The following KIF14 variants were observed in gnomAD, a reference collection of about 807,000 sequenced individuals.
The protein encoded by KIF14 is kinesin family member 14, also known as kinesin-like protein KIF14.
KIF14 carries 98 observed loss-of-function variants against 176.2 expected under a neutral mutation model. That is an observed-to-expected ratio of 0.56 (90% CI 0.47 to 0.66). The LOEUF is 0.66. Ranked by LOEUF, KIF14 falls within the 30% of genes least tolerant of loss-of-function variation. The probability of loss-of-function intolerance (pLI) is 0.00; values close to 1 mark genes in which losing one functional copy is unlikely to be tolerated. For synonymous variants in KIF14, 566 were observed against 632.2 expected, an observed-to-expected ratio of 0.90 and a Z score of 1.57; for missense variants, 1,751 against 1,920.4, an observed-to-expected ratio of 0.91 and a Z score of 1.65.
At chr1:200,571,192 G>T (rs1218596260) in intron 22 of KIF14, among the ~76,000 whole-genome samples, 1 of 152,022 alleles carries the variant, frequency 6.6e-6, no homozygotes, top group Non-Finnish European at 1.5e-5. Context: ...GCAGCTGTCT[G>T]TAGTCCCAGC....
chr1:200,617,632 G>A lies in KIF14; in HGVS notation c.1092C>T (p.Arg364=), dbSNP rs549394272. 28 of 1,610,994 alleles carry A rather than the reference G, an allele frequency of 1.7e-5. No homozygotes were observed. The highest frequency in any genetic ancestry group is 1.6e-4 in the African/African-American group (12 of 74,730). Reference sequence around the variant, plus strand: ...CATACCTCTTGGTGAAAGGTCTTACGCGTACTGCCACTGTCACTTGACTAT... The same window carrying A: ...CATACCTCTTGGTGAAAGGTCTTACACGTACTGCCACTGTCACTTGACTAT... ...VENSQVTVAV[R]VRPFTKREKI... Residue 364 remains arginine, a synonymous_variant, in exon 2 of 30, where the codon CGC becomes CGT. Coordinates refer to ENST00000367350, the MANE Select transcript of KIF14 (RefSeq NM_014875.3).
intron 5 of KIF14, among the ~76,000 whole-genome samples, chr1:200,607,357 G>A (rs182981762): frequency 4.9e-4 from 74 of 151,866 alleles, no homozygotes; most frequent in African/African-American, 1.7e-3. Flanking sequence ...TAGGCTGGTC[G>A]GGAACTCCTG....
intron 16 of KIF14, among the ~76,000 whole-genome samples, chr1:200,590,628 C>G (rs1659004770): frequency 6.6e-6 from 1 of 152,082 alleles, no homozygotes; most frequent in South Asian, 2.1e-4. Flanking sequence ...GATATCACAG[C>G]TAGGGAGAGA....
In KIF14 at chr1:200,618,571, A is replaced by G; in HGVS notation, c.153T>C (p.Asp51=). 1 of 1,614,130 alleles carries G rather than the reference A, an allele frequency of 6.2e-7. No homozygotes were observed. The highest frequency in any genetic ancestry group is 8.5e-7 in the Non-Finnish European group (1 of 1,179,994). ...CTTTACCTGCAGATCTCAATAATGG[A>G]TCATCATTTTCACATTCTGACATAT... The part of the protein sequence containing the change: ...KSDMSECEND[D]PLLRSAGKVR... The change falls in exon 2 of 30, where the codon GAT becomes GAC. Residue 51 remains aspartate (D), a synonymous_variant. Transcript: ENST00000367350.
chr1:200,586,050 T>A, intron 19 of KIF14, 51 bp downstream of exon 19: 1 of 1,282,858 alleles, frequency 7.8e-7, no homozygotes, highest in Non-Finnish European at 1.0e-6. Flanking sequence ...TTATATTACA[T>A]ATAACATGCA....
chr1:200,578,431 C>T (rs555457061), intron 21 of KIF14, among the ~76,000 whole-genome samples: 42 of 152,142 alleles, frequency 2.8e-4, no homozygotes, highest in African/African-American at 3.6e-4. Flanking sequence ...GTATATTTTA[C>T]AAATAGTAGC....
At chr1:200,606,518 C>A (rs1659886243) in intron 6 of KIF14, among the ~76,000 whole-genome samples, 1 of 152,146 alleles carries the variant, frequency 6.6e-6, no homozygotes, top group Admixed American at 6.5e-5. Context: ...AGACACTTTA[C>A]AGGTACTATG....
chr1:200,582,406 A>G (rs1658510723), intron 19 of KIF14, among the ~76,000 whole-genome samples: 1 of 152,090 alleles, frequency 6.6e-6, no homozygotes, highest in Non-Finnish European at 1.5e-5. Flanking sequence ...TATTTTCTAT[A>G]TTGTTCAGAC....
intron 14 of KIF14, among the ~76,000 whole-genome samples, chr1:200,595,754 G>C (rs943333860): frequency 6.6e-6 from 1 of 151,448 alleles, no homozygotes; most frequent in East Asian, 1.9e-4. Flanking sequence ...TTCAAGACGA[G>C]CCTGGCCAAC....
intron 4 of KIF14, 69 bp downstream of exon 4, chr1:200,614,249 G>A: frequency 3.7e-6 from 3 of 811,996 alleles, no homozygotes; most frequent in Non-Finnish European, 6.2e-6. Context: ...TAGTGGCCAT[G>A]ACTGATTTGA....
intron 4 of KIF14, among the ~76,000 whole-genome samples, chr1:200,612,991 G>A (rs546621893): frequency 1.4e-5 from 2 of 146,596 alleles, no homozygotes; most frequent in South Asian, 2.2e-4. Context: ...TGGTTCAAGC[G>A]ATTCTCCTGC....
chr1:200,610,578 G>T (rs1039964870), intron 4 of KIF14, among the ~76,000 whole-genome samples: 1 of 151,342 alleles, frequency 6.6e-6, no homozygotes, highest in Non-Finnish European at 1.5e-5. Context: ...CTTAACTTCT[G>T]CATAAGGTTC....
intron 6 of KIF14, among the ~76,000 whole-genome samples, chr1:200,606,230 G>A (rs1659873959): frequency 6.6e-6 from 1 of 152,036 alleles, no homozygotes; most frequent in African/African-American, 2.4e-5. Context: ...GTGTATATGG[G>A]TCCCAATACA....
intron 1 of KIF14, among the ~76,000 whole-genome samples, chr1:200,619,752 C>T (rs765971438): frequency 3.3e-5 from 5 of 152,184 alleles, no homozygotes; most frequent in Non-Finnish European, 4.4e-5. Context: ...ACGATAAGTA[C>T]TGTAAATTAA....
At chr1:200,596,090 C>T (rs1220752795) in intron 14 of KIF14, among the ~76,000 whole-genome samples, 3 of 152,000 alleles carry the variant, frequency 2.0e-5, no homozygotes, top group Middle Eastern at 3.2e-3. Context: ...CCCATCTCTA[C>T]TAAAAATACA....
At position 200,618,066 on chromosome 1, in the gene KIF14, G is replaced by A. The variant is rs369949586; in HGVS notation, c.658C>T (p.Pro220Ser). The change falls in exon 2 of 30, where the codon CCC becomes TCC. Residue 220 changes from proline to serine, a missense_variant. Pro to Ser is a moderately conservative substitution (Grantham distance 74). Coordinates refer to ENST00000367350, the MANE Select transcript of KIF14 (RefSeq NM_014875.3). ...TCAGTCTGACTCAGGGAAGCAATGGGTGGTCTATTACTTGAGTACTTAAGT... is the reference window on the plus strand; with the variant it reads ...TCAGTCTGACTCAGGGAAGCAATGGATGGTCTATTACTTGAGTACTTAAGT... ...VALKYSSNRP[P>S]IASLSQTEVV... 1 of 1,614,036 alleles carries A rather than the reference G, an allele frequency of 6.2e-7. No individual in the cohort carries two copies. The highest frequency in any genetic ancestry group is 8.5e-7 in the Non-Finnish European group (1 of 1,179,954).
intron 4 of KIF14, among the ~76,000 whole-genome samples, chr1:200,612,282 C>G (rs1358096902): frequency 6.6e-6 from 1 of 152,150 alleles, no homozygotes. Flanking sequence ...GGATTACAGG[C>G]GTGAGCCACC....
intron 13 of KIF14, among the ~76,000 whole-genome samples, chr1:200,599,321 G>C (rs1395726100): frequency 6.6e-6 from 1 of 152,110 alleles, no homozygotes; most frequent in Non-Finnish European, 1.5e-5. Flanking sequence ...ACTGCTTCCA[G>C]TAAAACTGAT....
At chr1:200,571,952 A>C (rs560285854) in intron 22 of KIF14, among the ~76,000 whole-genome samples, 7 of 152,216 alleles carry the variant, frequency 4.6e-5, no homozygotes, top group Non-Finnish European at 1.0e-4. Flanking sequence ...GTATGTATCA[A>C]AATTTAAAGG....
Sources: allele counts gnomAD v4.1 joint callset (sites outside exome capture counted in the v4.1 genomes callset), GRCh38; gene constraint gnomAD v4.1.1; transcripts MANE v1.5; gene names NCBI Gene and HGNC (gene_info 2026-07-23, HGNC 2026-07-21).